Variants in DNAH17 observed in about 807,000 individuals in gnomAD.
DNAH17 encodes dynein axonemal heavy chain 17.
DNAH17 carries 376 observed loss-of-function variants against 485.6 expected under a neutral mutation model. The ratio of observed to expected loss-of-function variants is 0.77; its 90% CI spans 0.71 to 0.84. The LOEUF (loss-of-function observed/expected upper bound fraction) is 0.84, where lower values mean the gene tolerates loss of function less well. Ranked by LOEUF, DNAH17 falls within the 40% of genes least tolerant of loss-of-function variation. The pLI is 0.00. For synonymous variants in DNAH17, 3,031 were observed against 2,405.9 expected (o/e 1.26, Z -7.60); for missense variants, 6,370 against 5,839.3 (o/e 1.09, Z -2.96).
intron 48 of DNAH17, among the ~76,000 whole-genome samples, chr17:78,482,976 G>A (rs1231988040): frequency 1.3e-5 from 2 of 152,186 alleles, no homozygotes; most frequent in South Asian, 4.1e-4. Flanking sequence ...TGCAACCCTT[G>A]GAAGGGGCCT....
chr17:78,476,810 G>A (rs2089049155), intron 51 of DNAH17, 77 bp from the exon 52 acceptor site: 4 of 1,510,584 alleles, frequency 2.6e-6, no homozygotes, highest in African/African-American at 1.4e-5. Flanking sequence ...ATGACCCTGA[G>A]GAGCAGCCCC....
intron 14 of DNAH17, among the ~76,000 whole-genome samples, chr17:78,553,458 T>C (rs1326038636): frequency 6.6e-6 from 1 of 152,000 alleles, no homozygotes; most frequent in African/African-American, 2.4e-5. Flanking sequence ...TGCGCCACCA[T>C]GCCCAGCTAA....
In DNAH17 at chr17:78,530,375, G is replaced by C; in HGVS notation, c.3252C>G (p.Phe1084Leu). The C allele has an allele frequency of 1.2e-6, 2 of 1,612,364 alleles. No individual in the cohort carries two copies. Among genetic ancestry groups the C allele is most frequent in the Non-Finnish European group, 1.7e-6 (2 of 1,178,738 alleles). Residue 1084 changes from phenylalanine to leucine, a missense_variant, in exon 21 of 81, where the codon TTC (phenylalanine) becomes TTG (leucine). Phe to Leu is a conservative substitution (Grantham distance 22). Transcript: ENST00000389840. Reference protein sequence around the residue: ...LSTIRRWGFMFKRHLSNHVTN... With the variant: ...LSTIRRWGFMLKRHLSNHVTN... Reference sequence around the variant, plus strand: ...TGACGTGGTTGCTCAGGTGCCGCTTGAACATGAAGCCCCAGCGCCGGATTG... The same window carrying C: ...TGACGTGGTTGCTCAGGTGCCGCTTCAACATGAAGCCCCAGCGCCGGATTG...
At chr17:78,466,949 A>G in intron 55 of DNAH17, 133 bp from the exon 56 acceptor site, 1 of 926,216 alleles carries the variant, frequency 1.1e-6, no homozygotes, top group South Asian at 2.1e-5. Flanking sequence ...TGGGCAGCAC[A>G]GTCCTGGTTC....
chr17:78,564,702 T>A (rs1199239096), intron 11 of DNAH17, among the ~76,000 whole-genome samples: 1 of 152,098 alleles, frequency 6.6e-6, no homozygotes, highest in Non-Finnish European at 1.5e-5. Flanking sequence ...CTGCAGGAAA[T>A]ACTCAGAAGC....
At chr17:78,433,293 A>C (rs1005776378) in intron 75 of DNAH17, among the ~76,000 whole-genome samples, 1 of 152,200 alleles carries the variant, frequency 6.6e-6, no homozygotes, top group African/African-American at 2.4e-5. Context: ...AGGAGACCGT[A>C]GATGGGGCTG....
In DNAH17 at chr17:78,449,466, C is replaced by T. The variant is rs376945651; in HGVS notation, c.11159G>A (p.Arg3720Gln). The change falls in exon 69 of 81, where the codon CGG (arginine) becomes CAG (glutamine). Residue 3720 changes from arginine (R) to glutamine (Q), a missense_variant. Coordinates refer to ENST00000389840, the MANE Select transcript of DNAH17 (RefSeq NM_173628.4). ...GAGTTTGTCCCTCTCGAAGAGTCCC[C>T]GGGCCGTGTACATGTAGACGGAGTA... ...ITYSVYMYTA[R>Q]GLFERDKLIF... 27 of 1,557,650 alleles carry T rather than the reference C, an allele frequency of 1.7e-5. No homozygotes were observed. The highest frequency in any genetic ancestry group is 1.1e-4 in the African/African-American group (8 of 73,468).
At position 78,452,397 on chromosome 17, in the gene DNAH17, G is replaced by A. The variant is rs1365048250; in HGVS notation, c.10530-724C>T. Among the ~76,000 whole-genome samples the A allele has an allele frequency of 4.6e-5, 7 of 152,242 alleles. No individual in the cohort carries two copies. The South Asian group carries it at 1.2e-3, about 27-fold the overall frequency. The stretch of plus-strand genomic sequence containing the variant: ...GTGGAAAATGATTCTGCCATCAAGA[G>A]GAATGAAGGACTGACACATGCGACC... On this transcript the variant is annotated intron_variant, in intron 65 of 80. Coordinates refer to ENST00000389840, the MANE Select transcript of DNAH17 (RefSeq NM_173628.4).
rs747358929 is a variant in DNAH17 at position 78,515,025 on chromosome 17, G to A, written c.3865-3C>T. The A allele has an allele frequency of 1.2e-6, 2 of 1,612,916 alleles. No homozygotes were observed. The highest frequency in any genetic ancestry group is 1.1e-5 in the South Asian group (1 of 91,054). ...CAGTCCTCGATGCTGGTATTTACCTGAAACGAAAACATCCCGTTTCTCCTT... is the reference window on the plus strand; with the variant it reads ...CAGTCCTCGATGCTGGTATTTACCTAAAACGAAAACATCCCGTTTCTCCTT... On this transcript the variant is annotated splice_region_variant and splice_polypyrimidine_tract_variant and intron_variant, in intron 25 of 80. Transcript: ENST00000389840.
chr17:78,464,341 C>T (rs2088304167), intron 56 of DNAH17, among the ~76,000 whole-genome samples: 1 of 152,200 alleles, frequency 6.6e-6, no homozygotes, highest in Non-Finnish European at 1.5e-5. Context: ...CTTACTGAAA[C>T]TTCCGCCTCC....
At chr17:78,541,615 A>C (rs7211115) in intron 17 of DNAH17, among the ~76,000 whole-genome samples, 1 of 151,786 alleles carries the variant, frequency 6.6e-6, no homozygotes, top group South Asian at 2.1e-4. Context: ...TGCACAAGAG[A>C]CAACACCATC....
chr17:78,443,440 C>T (rs1032409988), intron 71 of DNAH17, among the ~76,000 whole-genome samples: 2 of 152,214 alleles, frequency 1.3e-5, no homozygotes, highest in Non-Finnish European at 2.9e-5. Context: ...ATTCCACCCC[C>T]TCCTCCCCAC....
At chr17:78,542,821 C>G (rs1283869475) in intron 17 of DNAH17, among the ~76,000 whole-genome samples, 1 of 152,194 alleles carries the variant, frequency 6.6e-6, no homozygotes, top group Non-Finnish European at 1.5e-5. Flanking sequence ...TGTGCACGTT[C>G]AAATGGTCCT....
rs372271355 is a variant in DNAH17, at chr17:78,516,438, G to A, written c.3865-1416C>T. Among the ~76,000 whole-genome samples, 78 of 152,334 alleles carry A rather than the reference G, an allele frequency of 5.1e-4. 1 individual carries two copies. Among genetic ancestry groups the A allele is most frequent in the African/African-American group, 1.8e-3 (75 of 41,580 alleles). On this transcript the variant is annotated intron_variant, in intron 25 of 80. Coordinates refer to ENST00000389840, the MANE Select transcript of DNAH17 (RefSeq NM_173628.4). The stretch of plus-strand genomic sequence containing the variant: ...GCGGCGGCTCACGCCTGCAATCCCA[G>A]CACTTTGGGAGGCCGAGGCGGGTGG...
chr17:78,558,364 G>C, intron 13 of DNAH17, 110 bp from the exon 14 acceptor site: 1 of 1,344,764 alleles, frequency 7.4e-7, no homozygotes, highest in Non-Finnish European at 1.0e-6. Context: ...AGCCGGGGGG[G>C]ATCTCAAAGT....
In DNAH17 at chr17:78,570,856, CAAAAAAAAAA is replaced by C. The variant is rs60897530; in HGVS notation, c.918+82_918+91del. 127 of 292,146 alleles carry C rather than the reference CAAAAAAAAAA, an allele frequency of 4.3e-4. 1 individual carries two copies. Among genetic ancestry groups the C allele is most frequent in the East Asian group, 2.3e-3 (26 of 11,486 alleles). The allele number at this position is 292,146 out of a possible 1,614,324, so 18.1% of individuals were successfully genotyped here. A position where few individuals can be genotyped will look rare whatever the true frequency, so the allele number is the denominator to read the frequency against. ...CTGGTGACAGAGCGAGACTCCCTCT[CAAAAAAAAAA>C]AAAAAAAAAAAAGAAAAAAGAAAAG... On this transcript the variant is annotated intron_variant, in intron 6 of 80. Transcript: ENST00000389840.
In DNAH17 at chr17:78,567,122, G is replaced by C. The variant is rs370895011; in HGVS notation, c.1329C>G (p.Ile443Met). 3 of 1,610,440 alleles carry C rather than the reference G, an allele frequency of 1.9e-6. No individual in the cohort carries two copies. The highest frequency in any genetic ancestry group is 1.1e-5 in the South Asian group (1 of 90,268). ...GGTTCCCACGCACGCCCCCAAGCTC[G>C]ATTTTCTCCAGCTTCAGAAACTCAA... ...TAIEFLKLEK[I>M]ELGGVRGNLL... The change falls in exon 10 of 81, where the codon ATC (isoleucine) becomes ATG (methionine). Residue 443 changes from isoleucine (I) to methionine (M), a missense_variant. Transcript: ENST00000389840.
chr17:78,462,468 G>A (rs920498659), intron 57 of DNAH17, among the ~76,000 whole-genome samples: 25 of 152,150 alleles, frequency 1.6e-4, no homozygotes, highest in African/African-American at 6.0e-4. Flanking sequence ...CGGTGTGGAG[G>A]AAAGGATCCA....
intron 74 of DNAH17, among the ~76,000 whole-genome samples, chr17:78,435,065 GT>G (rs1377347070): frequency 2.0e-5 from 3 of 152,212 alleles, no homozygotes; most frequent in African/African-American, 7.2e-5. Flanking sequence ...AGCAGCTGGG[GT>G]TCCATCACTC....
Sources: allele counts gnomAD v4.1 joint callset (sites outside exome capture counted in the v4.1 genomes callset), GRCh38; gene constraint gnomAD v4.1.1; transcripts MANE v1.5; gene names NCBI Gene and HGNC (gene_info 2026-07-23, HGNC 2026-07-21).